Variants in SLC45A4 observed in about 807,000 individuals in gnomAD.
SLC45A4 encodes solute carrier family 45 member 4.
A neutral mutation model predicts 63.7 loss-of-function variants in SLC45A4; 32 were observed. The ratio of observed to expected loss-of-function variants is 0.50; its 90% CI spans 0.38 to 0.67. The LOEUF (loss-of-function observed/expected upper bound fraction) is 0.67. Among genes scored for constraint, SLC45A4 ranks in the 30% least tolerant of loss-of-function variants. The pLI, the probability that SLC45A4 is intolerant of heterozygous loss-of-function variation, is 0.00. For missense variants in SLC45A4, 1,027 were observed against 1,157.7 expected (o/e 0.89, Z 1.64); for synonymous variants, 535 against 510.0 (o/e 1.05, Z -0.66).
intron 1 of SLC45A4, among the ~76,000 whole-genome samples, chr8:141,265,026 T>C (rs1479849524): frequency 6.6e-6 from 1 of 152,258 alleles, no homozygotes; most frequent in Admixed American, 6.5e-5. Flanking sequence ...TCTTTTGTTG[T>C]CTGAGCGAGA....
intron 2 of SLC45A4, among the ~76,000 whole-genome samples, chr8:141,240,941 C>T (rs3953007): frequency 1.3e-5 from 2 of 152,212 alleles, no homozygotes; most frequent in East Asian, 1.9e-4. Context: ...TGGGGGCAGC[C>T]GCCCGGATCC....
At chr8:141,238,844 C>T (rs1007900066) in intron 2 of SLC45A4, among the ~76,000 whole-genome samples, 2 of 152,192 alleles carry the variant, frequency 1.3e-5, no homozygotes, top group African/African-American at 2.4e-5. Context: ...GCAGGCTGCC[C>T]CGCCCTGAGG....
At chr8:141,214,509 G>A (rs1303822514) in intron 7 of SLC45A4, among the ~76,000 whole-genome samples, 1 of 152,182 alleles carries the variant, frequency 6.6e-6, no homozygotes, top group African/African-American at 2.4e-5. Context: ...GGGATAGGAA[G>A]TTCCATACTA....
chr8:141,230,213 C>T, intron 2 of SLC45A4: 1 of 442,698 alleles, frequency 2.3e-6, no homozygotes, highest in Non-Finnish European at 4.5e-6. Context: ...GCATCACCGA[C>T]TCAAATAAGA....
rs542426039 is a variant in SLC45A4 at position 141,300,798 on chromosome 8, C to T, written c.-401+7298G>A. Among the ~76,000 whole-genome samples the T allele has an allele frequency of 3.0e-4, 46 of 152,340 alleles. 1 individual carries two copies. The highest frequency in any genetic ancestry group is 3.1e-4 in the Non-Finnish European group (21 of 68,034). On this transcript the variant is annotated intron_variant, in intron 1 of 8. Coordinates refer to ENST00000517878, the MANE Select transcript of SLC45A4 (RefSeq NM_001286646.2). The stretch of plus-strand genomic sequence containing the variant: ...TTTTAGCCCAACCAGATGAAAATGC[C>T]GCAGCGTGCTTACTCGTGAAATGGT...
At chr8:141,221,908 A>T in intron 2 of SLC45A4, 143 bp from the exon 3 acceptor site, 1 of 800,034 alleles carries the variant, frequency 1.2e-6, no homozygotes, top group Non-Finnish European at 1.9e-6. Context: ...TCCACGGGGT[A>T]GACTTTCCTT....
At chr8:141,217,912 T>C in intron 5 of SLC45A4, 99 bp downstream of exon 5, 1 of 1,391,852 alleles carries the variant, frequency 7.2e-7, no homozygotes, top group Non-Finnish European at 9.6e-7. Context: ...CTGACACGCG[T>C]GGGCACGAGG....
chr8:141,277,824 TG>T, intron 1 of SLC45A4, among the ~76,000 whole-genome samples: 1 of 152,052 alleles, frequency 6.6e-6, no homozygotes, highest in African/African-American at 2.4e-5. Flanking sequence ...GTATTTTTTT[TG>T]TAGAGATGGG....
intron 1 of SLC45A4, among the ~76,000 whole-genome samples, chr8:141,286,229 G>A (rs894505875): frequency 2.0e-5 from 3 of 152,192 alleles, no homozygotes; most frequent in Non-Finnish European, 4.4e-5. Flanking sequence ...GGTGAGGTAT[G>A]GGCTTGTGAC....
intron 2 of SLC45A4, chr8:141,228,678 C>T (rs1827176218): frequency 1.0e-6 from 1 of 977,976 alleles, no homozygotes; most frequent in East Asian, 1.0e-4. Context: ...AACCGTATGG[C>T]CTTTGGCCTG....
At chr8:141,266,400 C>A (rs2154614857) in intron 1 of SLC45A4, among the ~76,000 whole-genome samples, 1 of 152,306 alleles carries the variant, frequency 6.6e-6, no homozygotes, top group South Asian at 2.1e-4. Flanking sequence ...CACAGTCAGA[C>A]AAACCCACCA....
chr8:141,241,361 T>C (rs1827905720), intron 2 of SLC45A4, among the ~76,000 whole-genome samples: 2 of 151,886 alleles, frequency 1.3e-5, no homozygotes, highest in Non-Finnish European at 2.9e-5. Flanking sequence ...CCAAGGACGC[T>C]TGCCTATGGT....
At chr8:141,271,986 A>T (rs1470719354) in intron 1 of SLC45A4, among the ~76,000 whole-genome samples, 1 of 151,098 alleles carries the variant, frequency 6.6e-6, no homozygotes, top group Non-Finnish European at 1.5e-5. Context: ...ACACACATGC[A>T]CCCATACACG....
chr8:141,259,590 T>C (rs1334873638), intron 1 of SLC45A4, among the ~76,000 whole-genome samples: 1 of 152,170 alleles, frequency 6.6e-6, no homozygotes, highest in African/African-American at 2.4e-5. Flanking sequence ...TCAACCACCC[T>C]GTTTTTAGAG....
At chr8:141,279,236 C>T (rs1336360569) in intron 1 of SLC45A4, among the ~76,000 whole-genome samples, 2 of 152,252 alleles carry the variant, frequency 1.3e-5, no homozygotes, top group African/African-American at 4.8e-5. Flanking sequence ...GGCGGCCTTT[C>T]CTTGCCTCCC....
At position 141,286,738 on chromosome 8, in the gene SLC45A4, G is replaced by GC. The variant is rs1291137083; in HGVS notation, c.-401+21357dup. On this transcript the variant is annotated intron_variant, in intron 1 of 8. Coordinates refer to ENST00000517878, the MANE Select transcript of SLC45A4 (RefSeq NM_001286646.2). The stretch of plus-strand genomic sequence containing the variant: ...TTCGCTTATCAGCAGCAGCCCCCCC[G>GC]CCCCCCCGCTCCCCACCACCGACCC... Among the ~76,000 whole-genome samples the GC allele has an allele frequency of 2.4e-3, 171 of 70,198 alleles. 1 individual carries two copies. The highest frequency in any genetic ancestry group is 8.5e-3 in the African/African-American group (153 of 17,980). 46.1% of individuals were successfully genotyped at this position (70,198 alleles called of 152,430 possible). A position where few individuals can be genotyped will look rare whatever the true frequency, so the allele number is the denominator to read the frequency against.
rs1402696212 is a variant in SLC45A4 at position 141,229,627 on chromosome 8, G to C, written c.242-7862C>G. Among the ~76,000 whole-genome samples, 1 of 152,122 alleles carries C rather than the reference G, an allele frequency of 6.6e-6. No homozygotes were observed. On this transcript the variant is annotated intron_variant, in intron 2 of 8. Transcript: ENST00000517878. This position sits in a 1 kb window ranked among gnomAD's most constrained non-coding sequence, Gnocchi z 5.0. ...GCAGGTGACGGCACCCGCAGACCAC[G>C]GCCTGCACCCATGGCAGAGACCCTG...
At chr8:141,239,891 C>G (rs1589800548) in intron 2 of SLC45A4, among the ~76,000 whole-genome samples, 1 of 152,144 alleles carries the variant, frequency 6.6e-6, no homozygotes, top group African/African-American at 2.4e-5. Context: ...ATGGTCAGGG[C>G]CCCACACAAC....
At position 141,216,300 on chromosome 8, in the gene SLC45A4, G is replaced by A. The variant is rs779983461; in HGVS notation, c.1730-330C>T. Among the ~76,000 whole-genome samples the A allele has an allele frequency of 1.1e-4, 17 of 152,320 alleles. No homozygotes were observed. In the South Asian group the frequency reaches 3.1e-3, roughly 28 times the overall value. On this transcript the variant is annotated intron_variant, in intron 6 of 8. Coordinates refer to ENST00000517878, the MANE Select transcript of SLC45A4 (RefSeq NM_001286646.2). ...GCCCGCTCAGTGGCCTTCTCTGGCCGTACACCCAGGACGATTTCTTCTCCT... is the reference window on the plus strand; with the variant it reads ...GCCCGCTCAGTGGCCTTCTCTGGCCATACACCCAGGACGATTTCTTCTCCT...
Sources: allele counts gnomAD v4.1 joint callset (sites outside exome capture counted in the v4.1 genomes callset), GRCh38; gene constraint gnomAD v4.1.1; non-coding constraint Gnocchi (gnomAD v3.1); transcripts MANE v1.5; gene names NCBI Gene and HGNC (gene_info 2026-07-23, HGNC 2026-07-21).